SOX5: variants seen among roughly 807,000 people sequenced by gnomAD.
SOX5 encodes transcription factor SOX-5.
A neutral mutation model predicts 92.0 loss-of-function variants in SOX5; 9 were observed. That is an observed-to-expected ratio of 0.10 (90% CI 0.06 to 0.17). The LOEUF (loss-of-function observed/expected upper bound fraction) is 0.17. Among genes scored for constraint, SOX5 ranks in the 10% least tolerant of loss-of-function variants. SOX5 has a pLI of 1.00. For missense variants in SOX5, 642 were observed against 944.5 expected (o/e 0.68, Z 4.20); for synonymous variants, 344 against 336.3 (o/e 1.02, Z -0.25).
intron 2 of SOX5, among the ~76,000 whole-genome samples, chr12:23,883,187 A>G (rs1372963952): frequency 1.3e-5 from 2 of 152,052 alleles, no homozygotes; most frequent in African/African-American, 4.8e-5. Flanking sequence ...TCTCAAAAAA[A>G]AAAAACCAGA....
At chr12:23,584,747 G>A (rs12581895) in intron 9 of SOX5, 5 of 487,790 alleles carry the variant, frequency 1.0e-5, no homozygotes, top group Non-Finnish European at 1.5e-5. Context: ...GTGTGTGTGT[G>A]TATGTGTGTG....
intron 1 of SOX5, among the ~76,000 whole-genome samples, chr12:24,444,800 C>T (rs556636329): frequency 6.6e-6 from 1 of 152,314 alleles, no homozygotes; most frequent in South Asian, 2.1e-4. Flanking sequence ...TCCAGAGCTC[C>T]CCAAAGGATT....
chr12:23,701,649 A>C (rs2090640567), intron 6 of SOX5, among the ~76,000 whole-genome samples: 1 of 152,074 alleles, frequency 6.6e-6, no homozygotes, highest in Non-Finnish European at 1.5e-5. Flanking sequence ...ATAGTTACTT[A>C]AAATGTAAAC....
At chr12:24,028,375 A>T (rs1241597456) in intron 4 of SOX5, among the ~76,000 whole-genome samples, 1 of 152,002 alleles carries the variant, frequency 6.6e-6, no homozygotes, top group African/African-American at 2.4e-5. Context: ...ATTTGGATTA[A>T]TAGGAGCACG....
chr12:24,223,770 CA>C (rs1239158801), intron 3 of SOX5, among the ~76,000 whole-genome samples: 1 of 151,870 alleles, frequency 6.6e-6, no homozygotes, highest in Non-Finnish European at 1.5e-5. Flanking sequence ...AAAACAAAAA[CA>C]AAAACAAAAA....
chr12:24,031,137 T>C (rs1955460151), intron 4 of SOX5, among the ~76,000 whole-genome samples: 2 of 150,780 alleles, frequency 1.3e-5, no homozygotes, highest in South Asian at 4.2e-4. Flanking sequence ...AGTATGGAGG[T>C]TTTCAAAAAA....
chr12:24,139,021 G>A (rs1051154675), intron 4 of SOX5, among the ~76,000 whole-genome samples: 6 of 152,080 alleles, frequency 3.9e-5, no homozygotes, highest in Admixed American at 1.3e-4. Context: ...CTTACACTGC[G>A]AAACACCAGA....
intron 1 of SOX5, among the ~76,000 whole-genome samples, chr12:24,536,674 C>T (rs1267463061): frequency 6.6e-6 from 1 of 152,146 alleles, no homozygotes; most frequent in African/African-American, 2.4e-5. Flanking sequence ...TAAAAGTACT[C>T]CTGCATTACA....
At chr12:24,069,125 CAA>C (rs72046195) in intron 4 of SOX5, among the ~76,000 whole-genome samples, 35,735 of 151,590 alleles carry the variant, frequency 0.24, 4,561 homozygotes, top group Non-Finnish European at 0.29. Flanking sequence ...AAAAAATAGA[CAA>C]AGTTTTCCTG....
At chr12:23,771,508 T>A (rs956134421) in intron 3 of SOX5, among the ~76,000 whole-genome samples, 1 of 152,208 alleles carries the variant, frequency 6.6e-6, no homozygotes, top group Non-Finnish European at 1.5e-5. Context: ...AGGGTCGGGA[T>A]TGAATAACCA....
chr12:23,806,733 A>G (rs900774769), intron 3 of SOX5, among the ~76,000 whole-genome samples: 2 of 151,476 alleles, frequency 1.3e-5, no homozygotes, highest in African/African-American at 4.8e-5. Context: ...AGTGTTGGAG[A>G]ATAGAGCCAC....
At chr12:23,896,109 C>G (rs2097175240) in intron 1 of SOX5, 85 bp from the exon 2 acceptor site, 2 of 910,258 alleles carry the variant, frequency 2.2e-6, no homozygotes, top group Non-Finnish European at 3.5e-6. Context: ...GCCATTGTAA[C>G]AGAAATGCCT....
At chr12:24,213,685 A>C (rs1459458586) in intron 3 of SOX5, among the ~76,000 whole-genome samples, 2 of 152,034 alleles carry the variant, frequency 1.3e-5, no homozygotes, top group African/African-American at 4.8e-5. Context: ...TAATGAATGA[A>C]AAATCAATGA....
intron 3 of SOX5, among the ~76,000 whole-genome samples, chr12:23,764,197 T>C (rs1393836900): frequency 6.6e-6 from 1 of 152,076 alleles, no homozygotes; most frequent in Non-Finnish European, 1.5e-5. Context: ...AAAATTAAAA[T>C]ATTTCCAACA....
intron 1 of SOX5, among the ~76,000 whole-genome samples, chr12:23,936,311 A>C (rs1336162575): frequency 6.6e-6 from 1 of 151,008 alleles, no homozygotes; most frequent in Non-Finnish European, 1.5e-5. Flanking sequence ...TGGCATTTCA[A>C]AAAAGTAAAT....
At chr12:24,477,690 A>G (rs1237428324) in intron 1 of SOX5, among the ~76,000 whole-genome samples, 2 of 152,190 alleles carry the variant, frequency 1.3e-5, no homozygotes, top group East Asian at 3.9e-4. Context: ...TTCAGCTTCT[A>G]TTTGAAATAA....
At chr12:24,310,591 G>C (rs1735550843) in intron 2 of SOX5, among the ~76,000 whole-genome samples, 1 of 151,902 alleles carries the variant, frequency 6.6e-6, no homozygotes, top group Admixed American at 6.6e-5. Context: ...ACATTCTTTT[G>C]GATGAAACCT....
At chr12:24,416,373 T>C (rs1965029286) in intron 1 of SOX5, among the ~76,000 whole-genome samples, 1 of 152,132 alleles carries the variant, frequency 6.6e-6, no homozygotes, top group Admixed American at 6.5e-5. Context: ...CCTCAGGCAA[T>C]GGAGGGAGAT....
chr12:23,723,581 T>TATATAC (rs1491240128), intron 6 of SOX5, among the ~76,000 whole-genome samples: 177 of 131,846 alleles, frequency 1.3e-3, no homozygotes, highest in East Asian at 3.3e-3. Flanking sequence ...TATATATATA[T>TATATAC]ACACACACAC....
Sources: allele counts gnomAD v4.1 joint callset (sites outside exome capture counted in the v4.1 genomes callset), GRCh38; gene constraint gnomAD v4.1.1; transcripts MANE v1.5; gene names NCBI Gene and HGNC (gene_info 2026-07-23, HGNC 2026-07-21).